The following COL11A1 variants were observed in gnomAD, a reference collection of about 807,000 sequenced individuals.
The protein encoded by COL11A1 is collagen type XI alpha 1 chain.
A neutral mutation model predicts 265.2 loss-of-function variants in COL11A1; 74 were observed. The observed-to-expected ratio is 0.28, with a 90% CI of 0.23 to 0.34. The LOEUF is 0.34. Ranked by LOEUF, COL11A1 falls within the 10% of genes least tolerant of loss-of-function variation. COL11A1 has a pLI of 1.00. For missense variants in COL11A1, 2,165 were observed against 2,263.6 expected (o/e 0.96, Z 0.88); for synonymous variants, 816 against 727.6 (o/e 1.12, Z -1.96).
At chr1:102,992,756 T>A (rs115091572) in intron 28 of COL11A1, among the ~76,000 whole-genome samples, 1 of 152,090 alleles carries the variant, frequency 6.6e-6, no homozygotes, top group Non-Finnish European at 1.5e-5. Context: ...AAAATACCTT[T>A]AAATTTTTTT....
At chr1:102,928,413 C>A (rs1467711195) in intron 46 of COL11A1, among the ~76,000 whole-genome samples, 1 of 151,692 alleles carries the variant, frequency 6.6e-6, no homozygotes, top group Non-Finnish European at 1.5e-5. Flanking sequence ...ATCCATGTCC[C>A]TACAAAGGAC....
chr1:102,939,371 T>A (rs1399070391), intron 43 of COL11A1, among the ~76,000 whole-genome samples: 1 of 152,128 alleles, frequency 6.6e-6, no homozygotes, highest in Non-Finnish European at 1.5e-5. Flanking sequence ...GTAACGGAAA[T>A]ACACTGACAT....
At chr1:103,025,405 A>G in intron 7 of COL11A1, 116 bp downstream of exon 7, 3 of 780,816 alleles carry the variant, frequency 3.8e-6, no homozygotes, top group Non-Finnish European at 6.5e-6. Flanking sequence ...CTTTAGTAAA[A>G]GAATAAAAAC....
intron 54 of COL11A1, among the ~76,000 whole-genome samples, chr1:102,901,768 T>C (rs1038740000): frequency 6.6e-6 from 1 of 152,194 alleles, no homozygotes; most frequent in Admixed American, 6.5e-5. Flanking sequence ...ATATAAAGCA[T>C]CTAATATAAT....
intron 1 of COL11A1, among the ~76,000 whole-genome samples, chr1:103,097,054 G>T (rs1440933137): frequency 6.6e-6 from 1 of 151,982 alleles, no homozygotes; most frequent in Non-Finnish European, 1.5e-5. Flanking sequence ...TTTGACAGTA[G>T]GGTTGGCTAT....
chr1:102,909,575 A>G lies in COL11A1; in HGVS notation c.4086+2584T>C, dbSNP rs571094324. On this transcript the variant is annotated intron_variant, in intron 54 of 66. Coordinates refer to ENST00000370096, the MANE Select transcript of COL11A1 (RefSeq NM_001854.4). ...GATTATTTCTAATATATGAAAATGC[A>G]TCCTTCATTATAAGAGACAAGAATT... 1.5e-3 allele frequency among the ~76,000 whole-genome samples: 231 copies of G among 152,190 alleles called. 4 individuals are homozygous for G. The South Asian group carries it at 0.046, about 30-fold the overall frequency.
intron 22 of COL11A1, 74 bp from the exon 23 acceptor site, chr1:103,002,555 A>G: frequency 3.0e-6 from 4 of 1,324,556 alleles, no homozygotes; most frequent in Non-Finnish European, 4.3e-6. Flanking sequence ...TCAATTGGAA[A>G]ATACCTCTAC....
chr1:102,933,017 C>G lies in COL11A1; in HGVS notation c.3600+1432G>C, dbSNP rs1268188495. Among the ~76,000 whole-genome samples, 5 of 133,790 alleles carry G rather than the reference C, an allele frequency of 3.7e-5. No individual in the cohort carries two copies. The East Asian group carries it at 1.1e-3, about 30-fold the overall frequency. 87.8% of individuals were successfully genotyped at this position (133,790 alleles called of 152,430 possible). ...TCTAAATTTTTTTCAAAGTTTTCAACTTCTTTGCCTTTGGTTTGAATGTCC... is the reference window on the plus strand; with the variant it reads ...TCTAAATTTTTTTCAAAGTTTTCAAGTTCTTTGCCTTTGGTTTGAATGTCC... On this transcript the variant is annotated intron_variant, in intron 46 of 66. Transcript: ENST00000370096.
At chr1:103,044,571 A>G (rs1669098471) in intron 4 of COL11A1, among the ~76,000 whole-genome samples, 1 of 152,146 alleles carries the variant, frequency 6.6e-6, no homozygotes, top group Non-Finnish European at 1.5e-5. Context: ...GATTCTTACT[A>G]AAGCATAACT....
chr1:103,049,671 G>T (rs561476443), intron 4 of COL11A1, among the ~76,000 whole-genome samples: 5 of 152,292 alleles, frequency 3.3e-5, no homozygotes, highest in African/African-American at 1.2e-4. Context: ...TTGCTCATTA[G>T]TTGATGCAGT....
chr1:102,878,475 C>CATATAT (rs57574729), intron 66 of COL11A1, among the ~76,000 whole-genome samples: 1,690 of 49,768 alleles, frequency 0.034, 103 homozygotes, highest in South Asian at 0.059. Flanking sequence ...ATTGAATCCT[C>CATATAT]ATATATATAT....
At chr1:103,019,685 C>T (rs962031509) in intron 9 of COL11A1, among the ~76,000 whole-genome samples, 2 of 151,082 alleles carry the variant, frequency 1.3e-5, no homozygotes, top group East Asian at 3.9e-4. Context: ...TGTGCTGCAT[C>T]CACTAACTCG....
chr1:102,939,154 C>T, intron 43 of COL11A1, 66 bp from the exon 44 acceptor site: 1 of 1,366,294 alleles, frequency 7.3e-7, no homozygotes, highest in Non-Finnish European at 1.0e-6. Context: ...TAATTATCAT[C>T]AAACAGTTAA....
At chr1:103,062,396 T>C (rs61816516) in intron 4 of COL11A1, among the ~76,000 whole-genome samples, 18,082 of 151,896 alleles carry the variant, frequency 0.12, 1,203 homozygotes, top group Non-Finnish European at 0.14. Context: ...TACAGACCAA[T>C]ATCTCTCATG....
At chr1:102,908,346 T>A (rs1654242296) in intron 54 of COL11A1, among the ~76,000 whole-genome samples, 1 of 152,138 alleles carries the variant, frequency 6.6e-6, no homozygotes, top group Non-Finnish European at 1.5e-5. Flanking sequence ...TTTGTTCCAA[T>A]GTCTTCTAAG....
chr1:102,964,000 GT>G (rs913308128), intron 38 of COL11A1, among the ~76,000 whole-genome samples: 2 of 151,802 alleles, frequency 1.3e-5, no homozygotes, highest in South Asian at 2.1e-4. Flanking sequence ...TAGGCTGTTG[GT>G]TTTTTTTCTC....
At chr1:102,930,872 A>AT (rs1423315957) in intron 46 of COL11A1, among the ~76,000 whole-genome samples, 1 of 151,266 alleles carries the variant, frequency 6.6e-6, no homozygotes, top group Non-Finnish European at 1.5e-5. Context: ...TTTCTAGTTT[A>AT]TTTGCGTAGA....
chr1:103,071,760 T>C (rs1421109918), intron 4 of COL11A1, among the ~76,000 whole-genome samples: 1 of 151,260 alleles, frequency 6.6e-6, no homozygotes, highest in East Asian at 1.9e-4. Context: ...AGTTGAAATG[T>C]CATGGTTGTA....
intron 42 of COL11A1, among the ~76,000 whole-genome samples, chr1:102,945,762 A>T (rs1367015373): frequency 6.6e-6 from 1 of 152,172 alleles, no homozygotes; most frequent in Non-Finnish European, 1.5e-5. Context: ...ATAGAGAAGA[A>T]ATCTTAACAA....
Sources: gnomAD v4.1 joint callset for allele counts (sites outside exome capture counted in the v4.1 genomes callset) on GRCh38, gnomAD v4.1.1 for gene constraint, MANE v1.5 for transcripts, NCBI Gene and HGNC (gene_info 2026-07-23, HGNC 2026-07-21) for gene names.